ZSWIM6: variants seen among roughly 807,000 people sequenced by gnomAD.
ZSWIM6 encodes zinc finger SWIM-type containing 6.
Under a neutral mutation model 113.2 loss-of-function variants are expected in ZSWIM6, and 9 were observed. The ratio of observed to expected loss-of-function variants is 0.08; its 90% CI spans 0.05 to 0.14. ZSWIM6 has a LOEUF of 0.14. ZSWIM6 is among the 10% of genes least tolerant of loss of function. ZSWIM6 has a pLI of 1.00. For synonymous variants in ZSWIM6, 611 were observed against 606.5 expected (o/e 1.01, Z -0.11); for missense variants, 1,162 against 1,552.2 (o/e 0.75, Z 4.22).
chr5:61,411,555 A>G (rs992293313), intron 1 of ZSWIM6, among the ~76,000 whole-genome samples: 3 of 152,232 alleles, frequency 2.0e-5, no homozygotes, highest in African/African-American at 4.8e-5. Context: ...ATTGTCTTCA[A>G]TGTGTTAATC....
chr5:61,444,080 A>C, intron 1 of ZSWIM6, among the ~76,000 whole-genome samples: 1 of 142,620 alleles, frequency 7.0e-6, no homozygotes, highest in Non-Finnish European at 1.5e-5. Flanking sequence ...TATATCTCCT[A>C]ATGCTATCCC....
intron 1 of ZSWIM6, among the ~76,000 whole-genome samples, chr5:61,367,136 C>T (rs1043027262): frequency 2.6e-5 from 4 of 152,198 alleles, no homozygotes; most frequent in Non-Finnish European, 5.9e-5. Context: ...CACTGTGTTA[C>T]AGCTGAGAGT....
chr5:61,425,159 G>A (rs902460580), intron 1 of ZSWIM6, among the ~76,000 whole-genome samples: 2 of 152,178 alleles, frequency 1.3e-5, no homozygotes, highest in African/African-American at 2.4e-5. Flanking sequence ...ATTGTAAAAT[G>A]TGTCATTGCT....
intron 1 of ZSWIM6, among the ~76,000 whole-genome samples, chr5:61,422,917 A>T (rs146353115): frequency 5.3e-5 from 8 of 152,334 alleles, no homozygotes; most frequent in African/African-American, 1.9e-4. Flanking sequence ...TCATGCAACT[A>T]TACTAAATAT....
At chr5:61,406,666 A>T (rs1242343984) in intron 1 of ZSWIM6, among the ~76,000 whole-genome samples, 1 of 151,570 alleles carries the variant, frequency 6.6e-6, no homozygotes. Context: ...GTGGCATATG[A>T]TACTATAATT....
chr5:61,475,713 C>T (rs1214576975), intron 2 of ZSWIM6, among the ~76,000 whole-genome samples: 1 of 152,100 alleles, frequency 6.6e-6, no homozygotes, highest in Admixed American at 6.6e-5. Context: ...GGAAGCAAGC[C>T]ACGGTGACCT....
intron 1 of ZSWIM6, among the ~76,000 whole-genome samples, chr5:61,382,174 C>T (rs1395549849): frequency 1.3e-5 from 2 of 152,156 alleles, no homozygotes; most frequent in Non-Finnish European, 2.9e-5. Flanking sequence ...CATGCCGATT[C>T]TCTCCACACA....
At chr5:61,497,988 T>TA (rs1748366322) in intron 4 of ZSWIM6, among the ~76,000 whole-genome samples, 1 of 152,086 alleles carries the variant, frequency 6.6e-6, no homozygotes, top group Non-Finnish European at 1.5e-5. Context: ...TCAGCACACT[T>TA]AATTACTGTG....
At chr5:61,351,627 T>C (rs1305186895) in intron 1 of ZSWIM6, among the ~76,000 whole-genome samples, 2 of 152,230 alleles carry the variant, frequency 1.3e-5, no homozygotes, top group Non-Finnish European at 2.9e-5. Flanking sequence ...AATTGTATTT[T>C]TGGGTATTCT....
intron 1 of ZSWIM6, among the ~76,000 whole-genome samples, chr5:61,428,606 A>C (rs1746512488): frequency 6.6e-6 from 1 of 151,972 alleles, no homozygotes; most frequent in Non-Finnish European, 1.5e-5. Flanking sequence ...CCTGACCTTA[A>C]GCCATCCTCC....
chr5:61,490,253 C>G (rs1369257391), intron 2 of ZSWIM6, among the ~76,000 whole-genome samples: 1 of 152,048 alleles, frequency 6.6e-6, no homozygotes, highest in African/African-American at 2.4e-5. Flanking sequence ...AACAGCTGCA[C>G]TGCCTGTTCC....
intron 1 of ZSWIM6, among the ~76,000 whole-genome samples, chr5:61,357,339 C>G (rs1035479881): frequency 3.3e-5 from 5 of 152,110 alleles, no homozygotes; most frequent in African/African-American, 1.2e-4. Flanking sequence ...AAAGATAATA[C>G]AGTCACTAGG....
intron 1 of ZSWIM6, among the ~76,000 whole-genome samples, chr5:61,396,198 C>A (rs1356687540): frequency 6.6e-6 from 1 of 152,102 alleles, no homozygotes; most frequent in Admixed American, 6.6e-5. Context: ...ATTATCCCAG[C>A]AACACGTAAC....
intron 2 of ZSWIM6, among the ~76,000 whole-genome samples, chr5:61,483,694 C>T (rs1358414745): frequency 6.7e-6 from 1 of 149,966 alleles, no homozygotes; most frequent in Non-Finnish European, 1.5e-5. Flanking sequence ...GGATGAAACC[C>T]CGTCTCTACT....
chr5:61,431,977 T>C (rs573372775), intron 1 of ZSWIM6, among the ~76,000 whole-genome samples: 10 of 152,214 alleles, frequency 6.6e-5, no homozygotes, highest in Non-Finnish European at 1.2e-4. Context: ...TTCTCCTTTC[T>C]GTTTTTTTGA....
At chr5:61,468,437 T>C (rs1410608760) in intron 1 of ZSWIM6, among the ~76,000 whole-genome samples, 1 of 152,252 alleles carries the variant, frequency 6.6e-6, no homozygotes, top group Non-Finnish European at 1.5e-5. Context: ...AAGGTTTATA[T>C]AATTTATGTT....
intron 2 of ZSWIM6, among the ~76,000 whole-genome samples, chr5:61,473,998 T>C (rs956688257): frequency 6.6e-6 from 1 of 152,186 alleles, no homozygotes; most frequent in South Asian, 2.1e-4. Context: ...GAAAAGTACA[T>C]ACAATATGAA....
At chr5:61,473,947 C>A (rs1453141612) in intron 2 of ZSWIM6, among the ~76,000 whole-genome samples, 5 of 151,972 alleles carry the variant, frequency 3.3e-5, no homozygotes, top group African/African-American at 1.2e-4. Context: ...ATTTGAGGTC[C>A]TTTTTTGTAA....
At chr5:61,421,013 A>G (rs536048624) in intron 1 of ZSWIM6, among the ~76,000 whole-genome samples, 13 of 151,664 alleles carry the variant, frequency 8.6e-5, no homozygotes, top group African/African-American at 3.1e-4. Context: ...TCTGCCTCCC[A>G]GGTTCAAGCA....
Sources: gnomAD v4.1 joint callset for allele counts (sites outside exome capture counted in the v4.1 genomes callset) on GRCh38, gnomAD v4.1.1 for gene constraint, MANE v1.5 for transcripts, NCBI Gene and HGNC (gene_info 2026-07-23, HGNC 2026-07-21) for gene names.